DPP8: variants seen among roughly 807,000 people sequenced by gnomAD.
DPP8 encodes the protein dipeptidyl peptidase 8, also known as DPP VIII.
A neutral mutation model predicts 107.5 loss-of-function variants in DPP8; 31 were observed. That is an observed-to-expected ratio of 0.29 (90% CI 0.22 to 0.39). DPP8 has a LOEUF of 0.39. Ranked by LOEUF, DPP8 falls within the 10% of genes least tolerant of loss-of-function variation. The pLI is 1.00. For synonymous variants in DPP8, 381 were observed against 356.6 expected, an observed-to-expected ratio of 1.07 and a Z score of -0.77; for missense variants, 842 against 1,076.1, an observed-to-expected ratio of 0.78 and a Z score of 3.04.
At chr15:65,481,657 T>C in intron 8 of DPP8, 42 bp from the exon 9 acceptor site, 1 of 1,146,058 alleles carries the variant, frequency 8.7e-7, no homozygotes, top group Non-Finnish European at 1.2e-6. Context: ...ATAGAAGATT[T>C]AGATAAATAA....
chr15:65,491,518 C>T (rs1022821965), intron 5 of DPP8, among the ~76,000 whole-genome samples: 1 of 152,160 alleles, frequency 6.6e-6, no homozygotes, highest in African/African-American at 2.4e-5. Flanking sequence ...TTTCTATCAC[C>T]AGAGGTCAGG....
chr15:65,502,807 C>T (rs1375076406), intron 3 of DPP8: 1 of 151,980 alleles, frequency 6.6e-6, no homozygotes, highest in Admixed American at 6.6e-5. Flanking sequence ...TGGTATACAA[C>T]CCCTAACTGC....
intron 16 of DPP8, chr15:65,455,728 C>A: frequency 7.9e-7 from 1 of 1,260,340 alleles, no homozygotes; most frequent in Non-Finnish European, 1.0e-6. Context: ...TGTCCAATAA[C>A]ACTGGCAAAC....
chr15:65,456,130 C>A, intron 16 of DPP8, 95 bp downstream of exon 16: 2 of 1,394,732 alleles, frequency 1.4e-6, no homozygotes, highest in South Asian at 1.3e-5. Flanking sequence ...TCATTCATAG[C>A]CCCTTCCCCC....
At chr15:65,450,489 C>T (rs1286491016) in intron 19 of DPP8, among the ~76,000 whole-genome samples, 1 of 151,920 alleles carries the variant, frequency 6.6e-6, no homozygotes, top group Non-Finnish European at 1.5e-5. Flanking sequence ...TTTTTGTGTG[C>T]ACATAATCTG....
At chr15:65,483,046 G>A (rs933403573) in intron 8 of DPP8, among the ~76,000 whole-genome samples, 3 of 151,930 alleles carry the variant, frequency 2.0e-5, no homozygotes, top group African/African-American at 4.8e-5. Flanking sequence ...GCAGTGAGAC[G>A]AGATCGCACC....
In DPP8 at chr15:65,509,332, TAAC is replaced by T. The variant is rs149971675; in HGVS notation, c.260-1980_260-1978del. On this transcript the variant is annotated intron_variant, in intron 2 of 19. Coordinates refer to ENST00000300141, the MANE Select transcript of DPP8 (RefSeq NM_130434.5). ...AAAACTGGTTTTCTTCTCTCCTCAG[TAAC>T]AGCCATTCCCCCACAATCATTTCAG... Among the ~76,000 whole-genome samples the T allele has an allele frequency of 4.3e-3, 654 of 152,310 alleles. 15 individuals carry two copies. The East Asian group carries it at 0.068, about 16-fold the overall frequency.
Position 65,501,998 on chromosome 15 carries a change from T to C in DPP8, c.373-1219A>G, listed in dbSNP as rs558835442. On this transcript the variant is annotated intron_variant, in intron 3 of 19. Coordinates refer to ENST00000300141, the MANE Select transcript of DPP8 (RefSeq NM_130434.5). ...TCTGCCTCCTGGATTCAGGTGATTC[T>C]CATGCCTCAGCCTCCTGAGTAGGTG... Among the ~76,000 whole-genome samples the C allele has an allele frequency of 3.7e-4, 56 of 152,318 alleles. 1 individual carries two copies. The South Asian group carries it at 0.011, about 29-fold the overall frequency.
intron 7 of DPP8, among the ~76,000 whole-genome samples, chr15:65,486,648 CA>C (rs556411654): frequency 8.7e-4 from 132 of 152,016 alleles, no homozygotes; most frequent in African/African-American, 3.0e-3. Flanking sequence ...AACAACTATT[CA>C]ACCATAAAAA....
intron 5 of DPP8, among the ~76,000 whole-genome samples, chr15:65,496,363 A>G (rs1026977946): frequency 2.1e-5 from 3 of 142,736 alleles, no homozygotes; most frequent in African/African-American, 5.0e-5. Context: ...CTTTGTGAAC[A>G]TAAGATTAAG....
intron 3 of DPP8, among the ~76,000 whole-genome samples, chr15:65,503,884 C>A (rs2069574966): frequency 6.6e-6 from 1 of 151,988 alleles, no homozygotes. Flanking sequence ...CTCAGCCTCC[C>A]AAAGTGCTGA....
intron 12 of DPP8, among the ~76,000 whole-genome samples, chr15:65,470,093 A>G (rs1313409174): frequency 6.8e-6 from 1 of 146,416 alleles, no homozygotes; most frequent in Non-Finnish European, 1.5e-5. Context: ...GCGACTCGAG[A>G]CTTAAGCAGG....
rs2071346340 is a variant in DPP8 at position 65,515,556 on chromosome 15, T to A, written c.-12+1930A>T. On this transcript the variant is annotated intron_variant, in intron 1 of 19. Transcript: ENST00000300141. The stretch of plus-strand genomic sequence containing the variant: ...AATAGGTGACCTGAATTTTCTAATG[T>A]CAAAAATAGGAAAATAGGGTCAGTG... The A allele has an allele frequency of 8.6e-6, 9 of 1,048,124 alleles. No homozygotes were observed. The South Asian group carries it at 1.1e-4, about 13-fold the overall frequency. The allele number at this position is 1,048,124 out of a possible 1,614,324, so 64.9% of individuals were successfully genotyped here. A position where few individuals can be genotyped will look rare whatever the true frequency, so the allele number is the denominator to read the frequency against.
intron 18 of DPP8, among the ~76,000 whole-genome samples, 198 bp from the exon 19 acceptor site, chr15:65,451,308 T>C (rs2063960161): frequency 6.6e-6 from 1 of 152,208 alleles, no homozygotes; most frequent in Admixed American, 6.6e-5. Context: ...AAAGATCTTG[T>C]GTTCAATTTT....
chr15:65,466,697 G>C lies in DPP8; in HGVS notation c.1806C>G (p.Ala602=). The C allele has an allele frequency of 6.2e-7, 1 of 1,614,052 alleles. No individual in the cohort carries two copies. The highest frequency in any genetic ancestry group is 8.5e-7 in the Non-Finnish European group (1 of 1,179,972). Reference sequence around the variant, plus strand: ...GAATACCTGCTGAATCCAAAATGGTGGCCCAAAATTCCTTTGTTTTGCAAG... The same window carrying C: ...GAATACCTGCTGAATCCAAAATGGTCGCCCAAAATTCCTTTGTTTTGCAAG... ...DPTCKTKEFW[A]TILDSAGPLP... is the part of the protein sequence containing the mutation. Residue 602 remains alanine (A), a synonymous_variant, in exon 14 of 20, where the codon GCC becomes GCG. Transcript: ENST00000300141.
chr15:65,512,557 G>C lies in DPP8; in HGVS notation c.-4C>G. 6.2e-7 allele frequency: 1 copy of C among 1,613,802 alleles called. No individual in the cohort carries two copies. Among genetic ancestry groups the C allele is most frequent in the Non-Finnish European group, 8.5e-7 (1 of 1,179,942 alleles). On this transcript the variant is annotated 5_prime_UTR_variant, in exon 2 of 20. Transcript: ENST00000300141. Reference sequence around the variant, plus strand: ...CTGTTTCCATTGCTGCTGCCATGTTGCATTTTCCTAGAAAAACAAGGCACA... The same window carrying C: ...CTGTTTCCATTGCTGCTGCCATGTTCCATTTTCCTAGAAAAACAAGGCACA...
intron 10 of DPP8, among the ~76,000 whole-genome samples, chr15:65,479,283 CAA>C (rs1260991056): frequency 6.6e-6 from 1 of 151,892 alleles, no homozygotes; most frequent in Non-Finnish European, 1.5e-5. Context: ...AAAATATGAC[CAA>C]AAGTTTTTTC....
At chr15:65,473,960 C>T (rs535206598) in intron 12 of DPP8, among the ~76,000 whole-genome samples, 4 of 152,082 alleles carry the variant, frequency 2.6e-5, no homozygotes, top group Admixed American at 2.0e-4. Context: ...AAAAATTAGC[C>T]GGGCGTGGTG....
Position 65,498,011 on chromosome 15 carries a change from G to C in DPP8, c.568C>G (p.Leu190Val). 3.1e-6 allele frequency: 5 copies of C among 1,603,922 alleles called. No homozygotes were observed. Among genetic ancestry groups the C allele is most frequent in the Non-Finnish European group, 4.3e-6 (5 of 1,174,226 alleles). The change falls in exon 5 of 20, where the codon CTA becomes GTA. Residue 190 changes from leucine (L) to valine (V), a missense_variant. By Grantham distance (32) the Leu-to-Val change is conservative. Coordinates refer to ENST00000300141, the MANE Select transcript of DPP8 (RefSeq NM_130434.5). Reference protein sequence around the residue: ...GFTQQPLRPNLVETSCPNIRM... With the variant: ...GFTQQPLRPNVVETSCPNIRM... ...ATGTTGGGACAACTAGTTTCCACTA[G>C]ATTGGGCCTTAAAGGTTGTTGCTAG...
Sources: gnomAD v4.1 joint callset for allele counts (sites outside exome capture counted in the v4.1 genomes callset) on GRCh38, gnomAD v4.1.1 for gene constraint, MANE v1.5 for transcripts, NCBI Gene and HGNC (gene_info 2026-07-23, HGNC 2026-07-21) for gene names.